The following RFX7 variants were observed in gnomAD, a reference collection of about 807,000 sequenced individuals.
RFX7 encodes the protein DNA-binding protein RFX7.
A neutral mutation model predicts 111.8 loss-of-function variants in RFX7; 26 were observed. The ratio of observed to expected loss-of-function variants is 0.23; its 90% confidence interval spans 0.17 to 0.32. The LOEUF is 0.32. RFX7 is among the 10% of genes least tolerant of loss of function. RFX7 has a pLI of 1.00. For synonymous variants in RFX7, 624 were observed against 624.4 expected, an observed-to-expected ratio of 1.00 and a Z score of 0.01; for missense variants, 1,573 against 1,772.9, an observed-to-expected ratio of 0.89 and a Z score of 2.02.
Position 56,096,022 on chromosome 15 carries a change from A to G in RFX7, c.1706T>C (p.Leu569Ser). Residue 569 changes from leucine to serine, a missense_variant, in exon 10 of 10, where the codon TTG (leucine) becomes TCG (serine). This residue lies in a region of RFX7 where 625 missense variants were observed against 632.2 expected (regional missense o/e 0.99). Transcript: ENST00000559447. ...TCCGTCTGTATTACTTTTCTGCCCC[A>G]AAAGGGCACTAGGTGTCTGGGGAGC... Reference protein sequence around the residue: ...AKAPQTPSALLGQKSNTDGAL... With the variant: ...AKAPQTPSALSGQKSNTDGAL... 1 of 1,612,894 alleles carries G rather than the reference A, an allele frequency of 6.2e-7. No homozygotes were observed. The highest frequency in any genetic ancestry group is 8.5e-7 in the Non-Finnish European group (1 of 1,179,426).
chr15:56,184,349 G>A (rs966877246), intron 2 of RFX7, among the ~76,000 whole-genome samples: 1 of 151,546 alleles, frequency 6.6e-6, no homozygotes, highest in African/African-American at 2.4e-5. Context: ...AGTTCTAATA[G>A]TATGTAGATT....
intron 5 of RFX7, among the ~76,000 whole-genome samples, chr15:56,114,770 G>T (rs1161843880): frequency 1.3e-5 from 2 of 151,606 alleles, no homozygotes; most frequent in African/African-American, 4.8e-5. Context: ...CATCATTTTG[G>T]CTAATAATCC....
rs760023159 is a variant in RFX7 at position 56,243,177 on chromosome 15, G to A, written c.109C>T (p.Leu37=). Residue 37 remains leucine (L), a synonymous_variant, in exon 2 of 10, where the codon CTG becomes TTG. Coordinates refer to ENST00000559447, the MANE Select transcript of RFX7 (RefSeq NM_022841.7). Reference sequence around the variant, plus strand: ...AGCGCGCTGGCCTCTGTCCCTGGCAGCCCGGGCACAAGGGCTGGCAGGGCC... The same window carrying A: ...AGCGCGCTGGCCTCTGTCCCTGGCAACCCGGGCACAAGGGCTGGCAGGGCC... ...GVALPALVPG[L]PGTEASALQH... The A allele has an allele frequency of 1.5e-6, 2 of 1,356,010 alleles. No individual in the cohort carries two copies. The highest frequency in any genetic ancestry group is 2.3e-5 in the South Asian group (2 of 85,570). The allele number at this position is 1,356,010 out of a possible 1,614,324, so 84.0% of individuals were successfully genotyped here.
intron 2 of RFX7, among the ~76,000 whole-genome samples, chr15:56,203,490 C>T (rs1220699668): frequency 6.6e-6 from 1 of 152,172 alleles, no homozygotes; most frequent in Non-Finnish European, 1.5e-5. Context: ...ACCAGAGCAA[C>T]TCCATCTTAA....
chr15:56,203,546 C>T (rs1203434316), intron 2 of RFX7, among the ~76,000 whole-genome samples: 1 of 152,094 alleles, frequency 6.6e-6, no homozygotes, highest in Non-Finnish European at 1.5e-5. Flanking sequence ...GGCTGCATTC[C>T]CAGACATTAA....
chr15:56,239,744 A>C (rs2043665949), intron 2 of RFX7, among the ~76,000 whole-genome samples: 1 of 152,096 alleles, frequency 6.6e-6, no homozygotes, highest in Non-Finnish European at 1.5e-5. Flanking sequence ...GCCTCACTGC[A>C]AATATGTTAT....
In RFX7 at chr15:56,185,159, C is replaced by T. The variant is rs117573833; in HGVS notation, c.162-5856G>A. ...TAACTGGAACCTACAAATTTTGCTA[C>T]GTAGTATTTTGTTATTTACTTTTAA... On this transcript the variant is annotated intron_variant, in intron 2 of 9. Transcript: ENST00000559447. 1.4e-3 allele frequency among the ~76,000 whole-genome samples: 214 copies of T among 152,184 alleles called. 5 individuals are homozygous for T. The East Asian group carries it at 0.031, about 22-fold the overall frequency.
At chr15:56,228,570 T>C (rs571389250) in intron 2 of RFX7, among the ~76,000 whole-genome samples, 1 of 152,152 alleles carries the variant, frequency 6.6e-6, no homozygotes, top group Non-Finnish European at 1.5e-5. Flanking sequence ...CTAAACACTA[T>C]GTGTTTAATT....
rs144104798 is a variant in RFX7 at position 56,143,898 on chromosome 15, C to T, written c.278+503G>A. Among the ~76,000 whole-genome samples, 273 of 152,274 alleles carry T rather than the reference C, an allele frequency of 1.8e-3. 2 individuals are homozygous for T. Among genetic ancestry groups the T allele is most frequent in the African/African-American group, 6.2e-3 (257 of 41,566 alleles). On this transcript the variant is annotated intron_variant, in intron 4 of 9. Coordinates refer to ENST00000559447, the MANE Select transcript of RFX7 (RefSeq NM_022841.7). Reference sequence around the variant, plus strand: ...TAGAATGACTGAATGAACAGCTTCTCTCCACAGTTTCTATAATTTTTAATG... The same window carrying T: ...TAGAATGACTGAATGAACAGCTTCTTTCCACAGTTTCTATAATTTTTAATG...
chr15:56,109,655 G>A (rs1336457971), intron 5 of RFX7, among the ~76,000 whole-genome samples: 6 of 151,870 alleles, frequency 4.0e-5, no homozygotes, highest in East Asian at 2.0e-4. Flanking sequence ...GTCTCTGTCC[G>A]GCCGCCCATC....
chr15:56,128,137 T>A (rs1372314296), intron 5 of RFX7, among the ~76,000 whole-genome samples: 1 of 152,150 alleles, frequency 6.6e-6, no homozygotes, highest in Non-Finnish European at 1.5e-5. Context: ...AAAAAGTACC[T>A]ACAAAGAAAA....
chr15:56,227,248 A>C (rs1464525787), intron 2 of RFX7, among the ~76,000 whole-genome samples: 1 of 152,216 alleles, frequency 6.6e-6, no homozygotes, highest in Non-Finnish European at 1.5e-5. Context: ...TGATAAAATG[A>C]AATTGGTTAC....
intron 2 of RFX7, among the ~76,000 whole-genome samples, chr15:56,240,990 T>G (rs915884944): frequency 2.0e-5 from 3 of 152,114 alleles, no homozygotes; most frequent in Admixed American, 1.3e-4. Context: ...ATGACACTAT[T>G]AAGTATATTT....
rs1471919366 is a variant in RFX7, at chr15:56,226,517, ACT to A, written c.161+16606_161+16607del. 2.6e-5 allele frequency among the ~76,000 whole-genome samples: 4 copies of A among 152,218 alleles called. No individual in the cohort carries two copies. The East Asian group carries it at 5.8e-4, about 22-fold the overall frequency. ...GTTCAGGGAAACTGTTAAGTAACAA[ACT>A]CTGATCATCATTTTCAGGAAGCCAA... On this transcript the variant is annotated intron_variant, in intron 2 of 9. Transcript: ENST00000559447.
chr15:56,133,754 G>T (rs757147465), intron 5 of RFX7, among the ~76,000 whole-genome samples: 1 of 152,028 alleles, frequency 6.6e-6, no homozygotes, highest in Non-Finnish European at 1.5e-5. Flanking sequence ...TTGCCTTTCT[G>T]TAGTGTTTCT....
intron 5 of RFX7, among the ~76,000 whole-genome samples, chr15:56,139,022 G>A (rs1188417576): frequency 7.9e-5 from 12 of 151,498 alleles, no homozygotes; most frequent in African/African-American, 2.4e-4. Flanking sequence ...AGGGTAACCC[G>A]ACCTTTCTCT....
In RFX7 at chr15:56,155,783, A is replaced by G. The variant is rs143733715; in HGVS notation, c.196-11300T>C. Among the ~76,000 whole-genome samples, 332 of 152,216 alleles carry G rather than the reference A, an allele frequency of 2.2e-3. 13 individuals are homozygous for G. Among genetic ancestry groups the G allele is most frequent in the African/African-American group, 7.7e-3 (319 of 41,488 alleles). On this transcript the variant is annotated intron_variant, in intron 3 of 9. Transcript: ENST00000559447. ...AGTATATTTAAAAAAATGTGGAAAC[A>G]AGAAAAAGTCTCCTCCCCATAATAA...
At chr15:56,173,051 A>T (rs2042862741) in intron 3 of RFX7, among the ~76,000 whole-genome samples, 1 of 152,236 alleles carries the variant, frequency 6.6e-6, no homozygotes, top group Non-Finnish European at 1.5e-5. Flanking sequence ...ACTGTCGTGC[A>T]GAAAGAAGCA....
chr15:56,236,775 G>A (rs146365152), intron 2 of RFX7, among the ~76,000 whole-genome samples: 17 of 152,220 alleles, frequency 1.1e-4, no homozygotes, highest in African/African-American at 4.1e-4. Context: ...TCTTTATAAA[G>A]AAGACAAAAC....
Sources: allele counts gnomAD v4.1 joint callset (sites outside exome capture counted in the v4.1 genomes callset), GRCh38; gene constraint gnomAD v4.1.1; regional missense constraint gnomAD v4.1.1; transcripts MANE v1.5; gene names NCBI Gene and HGNC (gene_info 2026-07-23, HGNC 2026-07-21).